PHF19: variants seen among roughly 807,000 people sequenced by gnomAD.
PHF19 encodes polycomb like 3.
PHF19 carries 21 observed loss-of-function variants against 79.8 expected under a neutral mutation model. That is an observed-to-expected ratio of 0.26 (90% confidence interval 0.19 to 0.38). The LOEUF (loss-of-function observed/expected upper bound fraction) is 0.38, where lower values mean the gene tolerates loss of function less well. PHF19 is among the 10% of genes least tolerant of loss of function. The pLI, the probability that PHF19 is intolerant of heterozygous loss-of-function variation, is 1.00. For missense variants in PHF19, 445 were observed against 744.2 expected (o/e 0.60, Z 4.68); for synonymous variants, 273 against 296.3 (o/e 0.92, Z 0.81).
At chr9:120,867,086 C>T (rs2045726111) in intron 6 of PHF19, 121 bp from the exon 7 acceptor site, 1 of 663,766 alleles carries the variant, frequency 1.5e-6, no homozygotes, top group African/African-American at 1.8e-5. Flanking sequence ...AATTCAGTTA[C>T]TGAGCACTTA....
chr9:120,903,104 C>T, the PHF19 span: 1 of 152,326 alleles, frequency 6.6e-6, no homozygotes, highest in Non-Finnish European at 1.5e-5. Context: ...AGACCCATCA[C>T]TCGCTAGGCC....
chr9:120,876,011 AG>A (rs1439568971), intron 1 of PHF19: 5 of 152,674 alleles, frequency 3.3e-5, no homozygotes, highest in East Asian at 3.9e-4. Context: ...ATCTGTTCAC[AG>A]GGAGAGAGTC....
intron 9 of PHF19, 97 bp from the exon 10 acceptor site, chr9:120,864,213 T>A: frequency 9.9e-7 from 1 of 1,011,812 alleles, no homozygotes; most frequent in Non-Finnish European, 1.5e-6. Flanking sequence ...CTGATGCTTC[T>A]GAGTCCTTCA....
intron 1 of PHF19, among the ~76,000 whole-genome samples, chr9:120,887,571 G>A (rs1564517902): frequency 1.3e-5 from 2 of 151,618 alleles, no homozygotes; most frequent in Admixed American, 6.6e-5. Flanking sequence ...GGACTTGCCA[G>A]CTCCCACAAT....
In PHF19 at chr9:120,874,433, G is replaced by C. The variant is rs1446776901; in HGVS notation, c.186+123C>G. On this transcript the variant is annotated intron_variant, in intron 2 of 14. Transcript: ENST00000373896. This position sits in a 1 kb window ranked among gnomAD's most constrained non-coding sequence, Gnocchi z 4.5. Reference sequence around the variant, plus strand: ...TCTGGCCCCTCCCACCACCAGCTTTGGGCATGAGGGACAAGAAGGGAATTC... The same window carrying C: ...TCTGGCCCCTCCCACCACCAGCTTTCGGCATGAGGGACAAGAAGGGAATTC... The C allele has an allele frequency of 4.5e-6, 3 of 670,930 alleles. No individual in the cohort carries two copies. Among genetic ancestry groups the C allele is most frequent in the Non-Finnish European group, 7.7e-6 (3 of 388,078 alleles). The allele number at this position is 670,930 out of a possible 1,614,324, so 41.6% of individuals were successfully genotyped here.
the PHF19 span, among the ~76,000 whole-genome samples, chr9:120,900,151 T>A: frequency 6.6e-6 from 1 of 152,184 alleles, no homozygotes; most frequent in Non-Finnish European, 1.5e-5. Flanking sequence ...CATGCCCAGT[T>A]AAGTTTTGTA....
At chr9:120,877,302 C>T (rs2046095148), upstream of PHF19, 1 of 974,278 alleles carries the variant, frequency 1.0e-6, no homozygotes, top group Non-Finnish European at 1.2e-6. Flanking sequence ...GGAAGGGGCC[C>T]CCCGGGCGCG....
chr9:120,886,161 C>G (rs942332367), intron 1 of PHF19, among the ~76,000 whole-genome samples: 2 of 152,236 alleles, frequency 1.3e-5, no homozygotes, highest in African/African-American at 4.8e-5. Flanking sequence ...TGGGCTGGAG[C>G]TGCACGGAGA....
intron 9 of PHF19, among the ~76,000 whole-genome samples, chr9:120,864,729 G>C (rs1211983107): frequency 8.1e-6 from 1 of 123,706 alleles, no homozygotes; most frequent in Non-Finnish European, 1.9e-5. Flanking sequence ...TAATAATATG[G>C]AAAAGTATAA....
At chr9:120,898,739 G>A (rs745445711), upstream of PHF19, among the ~76,000 whole-genome samples, 4 of 152,210 alleles carry the variant, frequency 2.6e-5, no homozygotes, top group Non-Finnish European at 5.9e-5. Flanking sequence ...GACCTTGGGT[G>A]AGTGATTTTT....
chr9:120,860,900 G>C lies in PHF19; in HGVS notation c.1304+189C>G, dbSNP rs1398906555. ...TGTGGATAACCATGGGGCAAGGTGG[G>C]GAGGGCTGGAGAAGAGGGGAGGGCT... is the stretch of plus-strand genomic sequence containing the variant. On this transcript the variant is annotated intron_variant, in intron 13 of 14. Transcript: ENST00000373896. The surrounding 1 kb of genome is among the most constrained non-coding windows in gnomAD (Gnocchi z 4.1). The C allele has an allele frequency of 1.8e-5, 10 of 567,590 alleles. No individual in the cohort carries two copies. Among genetic ancestry groups the C allele is most frequent in the Non-Finnish European group, 2.9e-5 (9 of 311,752 alleles). 35.2% of individuals were successfully genotyped at this position (567,590 alleles called of 1,614,324 possible). A position where few individuals can be genotyped will look rare whatever the true frequency, so the allele number is the denominator to read the frequency against.
chr9:120,882,057 GCCCA>G (rs1826560953), upstream of PHF19, among the ~76,000 whole-genome samples: 1 of 152,216 alleles, frequency 6.6e-6, no homozygotes, highest in Admixed American at 6.5e-5. Context: ...ACTGCACCTG[GCCCA>G]CCCTTCTCTT....
Position 120,866,179 on chromosome 9 carries a change from C to G in PHF19, c.711-83G>C. 1 of 956,190 alleles carries G rather than the reference C, an allele frequency of 1.0e-6. No homozygotes were observed. The highest frequency in any genetic ancestry group is 1.3e-5 in the South Asian group (1 of 77,296). 59.2% of individuals were successfully genotyped at this position (956,190 alleles called of 1,614,324 possible). A position where few individuals can be genotyped will look rare whatever the true frequency, so the allele number is the denominator to read the frequency against. On this transcript the variant is annotated intron_variant, in intron 7 of 14. Coordinates refer to ENST00000373896, the MANE Select transcript of PHF19 (RefSeq NM_015651.3). The surrounding 1 kb of genome is among the most constrained non-coding windows in gnomAD (Gnocchi z 5.2). The stretch of plus-strand genomic sequence containing the variant: ...AGTCCAGCCCCTTGATCTCCTCATT[C>G]CCCACCTACCTTCCCATAATCTTCT...
upstream of PHF19, among the ~76,000 whole-genome samples, chr9:120,880,379 C>G (rs2046161081): frequency 1.3e-5 from 2 of 152,162 alleles, no homozygotes; most frequent in Admixed American, 6.5e-5. Context: ...CCTGTAGTCC[C>G]AGCTACTTGG....
At chr9:120,876,982 C>T in intron 1 of PHF19, 109 bp downstream of exon 1, 1 of 958,598 alleles carries the variant, frequency 1.0e-6, no homozygotes, top group Non-Finnish European at 1.2e-6. Context: ...GAGTCTCACC[C>T]CCCGGAGGCG....
At chr9:120,879,603 A>G (rs868414149), upstream of PHF19, among the ~76,000 whole-genome samples, 3 of 152,194 alleles carry the variant, frequency 2.0e-5, no homozygotes, top group South Asian at 2.1e-4. Flanking sequence ...AAAGTTTGAT[A>G]TGCAAAATAA....
intron 1 of PHF19, among the ~76,000 whole-genome samples, chr9:120,883,945 T>C (rs1246218842): frequency 1.3e-5 from 2 of 152,140 alleles, no homozygotes; most frequent in Non-Finnish European, 2.9e-5. Context: ...TTCTATGAAC[T>C]CAGTCTAAGC....
rs567016232 is a variant in PHF19, at chr9:120,865,281, C to T, written c.900+429G>A. 1.4e-3 allele frequency among the ~76,000 whole-genome samples: 219 copies of T among 152,350 alleles called. 1 individual carries two copies. The Middle Eastern group carries it at 0.034, about 24-fold the overall frequency. On this transcript the variant is annotated intron_variant, in intron 9 of 14. Coordinates refer to ENST00000373896, the MANE Select transcript of PHF19 (RefSeq NM_015651.3). The stretch of plus-strand genomic sequence containing the variant: ...CTCAGCCTCAAAGCTCTGCTGACCA[C>T]GGGCAAGTCACTCTGCAACTCTGAC...
At chr9:120,864,932 T>G (rs2045654001) in intron 9 of PHF19, among the ~76,000 whole-genome samples, 1 of 151,886 alleles carries the variant, frequency 6.6e-6, no homozygotes, top group Non-Finnish European at 1.5e-5. Context: ...TTAAAGATTT[T>G]CCACCACGAA....
Sources: gnomAD v4.1 joint callset for allele counts (sites outside exome capture counted in the v4.1 genomes callset) on GRCh38, gnomAD v4.1.1 for gene constraint, Gnocchi (gnomAD v3.1) non-coding constraint, MANE v1.5 for transcripts, NCBI Gene and HGNC (gene_info 2026-07-23, HGNC 2026-07-21) for gene names.